The following THSD7A variants were observed in gnomAD, a reference collection of about 807,000 sequenced individuals.
THSD7A encodes the protein thrombospondin type 1 domain containing 7A, also known as thrombospondin type-1 domain-containing protein 7A.
In THSD7A, 96 loss-of-function variants were observed where a neutral mutation model predicts 231.3. The ratio of observed to expected loss-of-function variants is 0.41; its 90% CI spans 0.35 to 0.49. The LOEUF is 0.49. THSD7A is among the 20% of genes least tolerant of loss of function. The pLI is 0.05. For missense variants in THSD7A, 2,290 were observed against 2,070.2 expected (o/e 1.11, Z -2.06); for synonymous variants, 940 against 743.3 (o/e 1.26, Z -4.30).
chr7:11,730,289 G>T (rs545419263), intron 1 of THSD7A, among the ~76,000 whole-genome samples: 2 of 151,344 alleles, frequency 1.3e-5, no homozygotes, highest in South Asian at 2.1e-4. Flanking sequence ...TAACAAAATC[G>T]AGTAATATTC....
chr7:11,601,440 G>C (rs1289063716), intron 2 of THSD7A, among the ~76,000 whole-genome samples: 1 of 152,130 alleles, frequency 6.6e-6, no homozygotes, highest in Non-Finnish European at 1.5e-5. Flanking sequence ...TCGCAGCTTT[G>C]GGCTTCTCTG....
intron 4 of THSD7A, among the ~76,000 whole-genome samples, chr7:11,565,047 A>G (rs1255001155): frequency 1.3e-5 from 2 of 152,068 alleles, no homozygotes; most frequent in Non-Finnish European, 2.9e-5. Flanking sequence ...CTGTCTTTCC[A>G]TTTTTTCTAA....
At chr7:11,461,931 C>A in intron 10 of THSD7A, 80 bp downstream of exon 10, 1 of 1,536,980 alleles carries the variant, frequency 6.5e-7, no homozygotes, top group Non-Finnish European at 8.8e-7. Context: ...GTGTTGACTT[C>A]CTTTCCTTAT....
intron 1 of THSD7A, among the ~76,000 whole-genome samples, chr7:11,698,448 C>T (rs931723952): frequency 6.6e-6 from 1 of 151,220 alleles, no homozygotes; most frequent in Non-Finnish European, 1.5e-5. Context: ...TGTCCCAAAT[C>T]TATGTAATGT....
intron 1 of THSD7A, among the ~76,000 whole-genome samples, chr7:11,823,635 C>T (rs1784936330): frequency 6.6e-6 from 1 of 151,954 alleles, no homozygotes; most frequent in Non-Finnish European, 1.5e-5. Flanking sequence ...TTTCTTTCAT[C>T]AGTGTTTTGT....
In THSD7A at chr7:11,481,934, G is replaced by T; in HGVS notation, c.1871C>A (p.Pro624His). 6.2e-7 allele frequency: 1 copy of T among 1,613,678 alleles called. No homozygotes were observed. The highest frequency in any genetic ancestry group is 2.2e-5 in the East Asian group (1 of 44,844). Residue 624 changes from proline (P) to histidine (H), a missense_variant, in exon 7 of 28, where the codon CCT becomes CAT. Physicochemically the swap from Pro to His is moderately conservative, Grantham distance 77 (BLOSUM62 -2). Transcript: ENST00000423059. The part of the protein sequence containing the change: ...QLCRDAIFPI[P>H]VACDAPCPKD... ...CGGGCATGGGGCATCACAGGCCACAGGGATGGGGAAGATGGCATCTCTGCA... is the reference window on the plus strand; with the variant it reads ...CGGGCATGGGGCATCACAGGCCACATGGATGGGGAAGATGGCATCTCTGCA...
At chr7:11,558,024 T>G (rs1789921094) in intron 4 of THSD7A, among the ~76,000 whole-genome samples, 1 of 152,284 alleles carries the variant, frequency 6.6e-6, no homozygotes, top group East Asian at 1.9e-4. Flanking sequence ...GTTGGTCTTT[T>G]ATTTGTCCTT....
At chr7:11,429,972 T>G (rs1784430127) in intron 13 of THSD7A, among the ~76,000 whole-genome samples, 1 of 152,234 alleles carries the variant, frequency 6.6e-6, no homozygotes, top group Admixed American at 6.5e-5. Context: ...CATTTCACAA[T>G]ATCAATTAAA....
intron 11 of THSD7A, among the ~76,000 whole-genome samples, chr7:11,449,788 C>T (rs540830038): frequency 7.9e-5 from 12 of 151,932 alleles, no homozygotes; most frequent in African/African-American, 2.9e-4. Context: ...TTAGTAAGTG[C>T]CGATGGTTCA....
chr7:11,750,470 CT>C (rs112846050), intron 1 of THSD7A, among the ~76,000 whole-genome samples: 5,004 of 151,928 alleles, frequency 0.033, 286 homozygotes, highest in African/African-American at 0.12. Context: ...AGCTTGTTCC[CT>C]TTTTTAATTG....
intron 1 of THSD7A, among the ~76,000 whole-genome samples, chr7:11,683,871 T>C (rs1031708912): frequency 2.0e-5 from 3 of 151,986 alleles, no homozygotes; most frequent in African/African-American, 7.2e-5. Context: ...TAACTCATTG[T>C]ACAAATCGAT....
At chr7:11,820,312 G>A in intron 1 of THSD7A, 1 of 669,106 alleles carries the variant, frequency 1.5e-6, no homozygotes, top group Non-Finnish European at 2.2e-6. Flanking sequence ...CGTAAAGAGT[G>A]GACCCTACTC....
At chr7:11,576,248 G>A (rs967064131) in intron 4 of THSD7A, among the ~76,000 whole-genome samples, 1 of 151,914 alleles carries the variant, frequency 6.6e-6, no homozygotes, top group Non-Finnish European at 1.5e-5. Flanking sequence ...TTTATTGTCG[G>A]TATTTATAGA....
intron 13 of THSD7A, among the ~76,000 whole-genome samples, chr7:11,443,216 C>T (rs1195606191): frequency 1.3e-5 from 2 of 152,014 alleles, no homozygotes; most frequent in Admixed American, 1.3e-4. Context: ...TTTAGTGATT[C>T]AGTATGCATA....
At chr7:11,470,838 C>T (rs1470181662) in intron 8 of THSD7A, among the ~76,000 whole-genome samples, 1 of 151,724 alleles carries the variant, frequency 6.6e-6, no homozygotes, top group Non-Finnish European at 1.5e-5. Flanking sequence ...ATTGGGAACA[C>T]AACAGAAAGA....
At chr7:11,482,980 G>A (rs79776957) in intron 6 of THSD7A, among the ~76,000 whole-genome samples, 1,630 of 152,254 alleles carry the variant, frequency 0.011, 21 homozygotes, top group African/African-American at 0.038. Context: ...GGTGGTTAAC[G>A]AGGTCAAGGG....
intron 6 of THSD7A, among the ~76,000 whole-genome samples, chr7:11,525,751 T>C (rs1451600570): frequency 1.3e-5 from 2 of 152,184 alleles, no homozygotes; most frequent in Admixed American, 1.3e-4. Context: ...ATGACTTCTA[T>C]TCTTATTTAT....
At chr7:11,382,125 G>T (rs774950177) in intron 24 of THSD7A, among the ~76,000 whole-genome samples, 1 of 152,032 alleles carries the variant, frequency 6.6e-6, no homozygotes. Flanking sequence ...TTCCCTTGCT[G>T]GTATTTTTGG....
chr7:11,531,329 G>A (rs540885121), intron 6 of THSD7A, among the ~76,000 whole-genome samples: 1 of 152,230 alleles, frequency 6.6e-6, no homozygotes, highest in Non-Finnish European at 1.5e-5. Context: ...AGCAACATCA[G>A]TGATTCTTTA....
Sources: allele counts gnomAD v4.1 joint callset (sites outside exome capture counted in the v4.1 genomes callset), GRCh38; gene constraint gnomAD v4.1.1; transcripts MANE v1.5; gene names NCBI Gene and HGNC (gene_info 2026-07-23, HGNC 2026-07-21).